Variants in LAMA2 observed in about 807,000 individuals in gnomAD.
LAMA2 encodes the protein laminin subunit alpha 2.
A neutral mutation model predicts 364.8 loss-of-function variants in LAMA2; 269 were observed. The observed-to-expected ratio is 0.74, with a 90% CI of 0.67 to 0.82. The LOEUF (loss-of-function observed/expected upper bound fraction) is 0.82, where lower values mean the gene tolerates loss of function less well. Ranked by LOEUF, LAMA2 falls within the 40% of genes least tolerant of loss-of-function variation. The pLI, the probability that LAMA2 is intolerant of heterozygous loss-of-function variation, is 0.00. For synonymous variants in LAMA2, 1,379 were observed against 1,370.6 expected (o/e 1.01, Z -0.14); for missense variants, 3,807 against 3,873.2 (o/e 0.98, Z 0.45).
intron 12 of LAMA2, among the ~76,000 whole-genome samples, chr6:129,236,610 T>A (rs1784996801): frequency 6.6e-6 from 1 of 152,198 alleles, no homozygotes; most frequent in African/African-American, 2.4e-5. Flanking sequence ...ACAAAATTAA[T>A]TTAAGAATAA....
intron 4 of LAMA2, among the ~76,000 whole-genome samples, chr6:129,143,676 G>C (rs1456844407): frequency 1.3e-5 from 2 of 151,928 alleles, no homozygotes. Context: ...GAAGTATAAG[G>C]AGAAATGCCT....
intron 12 of LAMA2, among the ~76,000 whole-genome samples, chr6:129,205,685 T>C (rs1446665069): frequency 1.3e-5 from 2 of 151,824 alleles, no homozygotes; most frequent in Non-Finnish European, 2.9e-5. Context: ...GGAAGGAAGA[T>C]TTTTGTATAA....
At chr6:129,433,359 G>A (rs1053719372) in intron 41 of LAMA2, among the ~76,000 whole-genome samples, 20 of 152,204 alleles carry the variant, frequency 1.3e-4, no homozygotes, top group Admixed American at 8.5e-4. Flanking sequence ...TTCCTCACTC[G>A]GGTGCTCTTC....
intron 1 of LAMA2, among the ~76,000 whole-genome samples, chr6:128,910,044 TG>T (rs1465557497): frequency 6.6e-6 from 1 of 152,028 alleles, no homozygotes; most frequent in East Asian, 1.9e-4. Context: ...GGGTAACCCG[TG>T]CTTTCTCTCT....
At chr6:129,486,663 G>A (rs867566233) in intron 56 of LAMA2, 41 bp downstream of exon 56, 1 of 1,584,302 alleles carries the variant, frequency 6.3e-7, no homozygotes, top group Admixed American at 1.7e-5. Context: ...TAACTCAGGT[G>A]AACTTCCTTT....
At chr6:129,075,271 A>G (rs1773560867) in intron 3 of LAMA2, among the ~76,000 whole-genome samples, 2 of 152,146 alleles carry the variant, frequency 1.3e-5, no homozygotes, top group Non-Finnish European at 2.9e-5. Flanking sequence ...GAAAGGAAAG[A>G]AGGCCAATGT....
At position 129,443,147 on chromosome 6, in the gene LAMA2, G is replaced by A. The variant is rs1303194273; in HGVS notation, c.6274+79G>A. ...ATTGCAAAAAGTTTCAGCTTTGCATGTACTATATTTTGGTTTTGCTTTAAA... is the reference window on the plus strand; with the variant it reads ...ATTGCAAAAAGTTTCAGCTTTGCATATACTATATTTTGGTTTTGCTTTAAA... On this transcript the variant is annotated intron_variant, in intron 44 of 64. Transcript: ENST00000421865. The A allele has an allele frequency of 3.7e-6, 4 of 1,080,368 alleles. No individual in the cohort carries two copies. In the South Asian group the frequency reaches 4.3e-5, roughly 12 times the overall value. 66.9% of individuals were successfully genotyped at this position (1,080,368 alleles called of 1,614,324 possible).
intron 28 of LAMA2, among the ~76,000 whole-genome samples, chr6:129,324,699 G>A (rs1189473462): frequency 6.6e-6 from 1 of 152,148 alleles, no homozygotes; most frequent in Non-Finnish European, 1.5e-5. Flanking sequence ...CATGTTATTG[G>A]TACTGAATAC....
intron 62 of LAMA2, among the ~76,000 whole-genome samples, chr6:129,511,825 C>T (rs1040394101): frequency 4.0e-5 from 6 of 151,622 alleles, no homozygotes; most frequent in Non-Finnish European, 7.4e-5. Flanking sequence ...TTCCCATCAA[C>T]ATTGTACTTA....
At chr6:129,088,436 G>A (rs1774539259) in intron 3 of LAMA2, among the ~76,000 whole-genome samples, 1 of 152,102 alleles carries the variant, frequency 6.6e-6, no homozygotes, top group Non-Finnish European at 1.5e-5. Context: ...GTGGCGGCTG[G>A]GCAGAGGGGC....
chr6:129,315,363 A>G, intron 24 of LAMA2, 113 bp from the exon 25 acceptor site: 1 of 879,150 alleles, frequency 1.1e-6, no homozygotes, highest in Non-Finnish European at 1.8e-6. Context: ...GCTTGTGAGA[A>G]CATCATCAGA....
chr6:129,469,850 A>G (rs1450517144), intron 51 of LAMA2, among the ~76,000 whole-genome samples: 1 of 151,954 alleles, frequency 6.6e-6, no homozygotes, highest in African/African-American at 2.4e-5. Flanking sequence ...AAATTTAGGC[A>G]GACACAAAAA....
At position 129,445,656 on chromosome 6, in the gene LAMA2, G is replaced by C; in HGVS notation, c.6275-11G>C. 1 of 1,613,244 alleles carries C rather than the reference G, an allele frequency of 6.2e-7. No homozygotes were observed. Among genetic ancestry groups the C allele is most frequent in the South Asian group, 1.1e-5 (1 of 91,048 alleles). ...ATGCATATACATGCACACTAATTTT[G>C]TTCTATGCAGTTGCCGATGCAGATG... On this transcript the variant is annotated splice_polypyrimidine_tract_variant and intron_variant, in intron 44 of 64. Coordinates refer to ENST00000421865, the MANE Select transcript of LAMA2 (RefSeq NM_000426.4).
chr6:129,298,322 A>T (rs1025817128), intron 21 of LAMA2, among the ~76,000 whole-genome samples: 8 of 152,016 alleles, frequency 5.3e-5, no homozygotes, highest in Admixed American at 5.2e-4. Context: ...ACATCTTTTC[A>T]TCTACTTTTG....
chr6:129,262,251 A>G (rs1787187891), intron 15 of LAMA2, among the ~76,000 whole-genome samples: 1 of 152,178 alleles, frequency 6.6e-6, no homozygotes, highest in South Asian at 2.1e-4. Flanking sequence ...AATTATTAAT[A>G]AGTACATACA....
At chr6:128,981,147 C>T (rs942205566) in intron 1 of LAMA2, among the ~76,000 whole-genome samples, 17 of 152,178 alleles carry the variant, frequency 1.1e-4, no homozygotes, top group South Asian at 4.1e-4. Context: ...GAACGATTTT[C>T]GGTCCCTACA....
At chr6:128,908,530 T>C (rs1402745823) in intron 1 of LAMA2, among the ~76,000 whole-genome samples, 10 of 146,934 alleles carry the variant, frequency 6.8e-5, no homozygotes, top group African/African-American at 2.5e-4. Context: ...CTCTCTTTTT[T>C]TCTTTATTAG....
At chr6:129,284,451 T>C (rs1279464145) in intron 18 of LAMA2, among the ~76,000 whole-genome samples, 5 of 152,166 alleles carry the variant, frequency 3.3e-5, no homozygotes, top group Non-Finnish European at 7.3e-5. Context: ...GTGTGTTCAT[T>C]CTCCATGGAC....
chr6:129,464,494 C>A, intron 50 of LAMA2, 42 bp downstream of exon 50: 2 of 1,502,934 alleles, frequency 1.3e-6, no homozygotes, highest in Non-Finnish European at 1.9e-6. Context: ...GACTAAAATG[C>A]GTTTGCTTCT....
Sources: gnomAD v4.1 joint callset for allele counts (sites outside exome capture counted in the v4.1 genomes callset) on GRCh38, gnomAD v4.1.1 for gene constraint, MANE v1.5 for transcripts, NCBI Gene and HGNC (gene_info 2026-07-23, HGNC 2026-07-21) for gene names.